The following CCDC91 variants were observed in gnomAD, a reference collection of about 807,000 sequenced individuals.
The protein encoded by CCDC91 is coiled-coil domain-containing protein 91.
A neutral mutation model predicts 63.2 loss-of-function variants in CCDC91; 48 were observed. The ratio of observed to expected loss-of-function variants is 0.76; its 90% CI spans 0.60 to 0.97. The LOEUF is 0.97. CCDC91 is among the 50% of genes least tolerant of loss of function. The pLI, the probability that CCDC91 is intolerant of heterozygous loss-of-function variation, is 0.00. For missense variants in CCDC91, 500 were observed against 494.6 expected (o/e 1.01, Z -0.10); for synonymous variants, 167 against 165.8 (o/e 1.01, Z -0.06).
chr12:28,336,195 CCA>C (rs1204710794), intron 6 of CCDC91, among the ~76,000 whole-genome samples: 3 of 151,858 alleles, frequency 2.0e-5, no homozygotes, highest in Non-Finnish European at 4.4e-5. Context: ...CAGGATACTC[CCA>C]GAGTAGAACT....
chr12:28,479,086 C>T (rs1005479261), intron 11 of CCDC91, among the ~76,000 whole-genome samples: 10 of 152,142 alleles, frequency 6.6e-5, no homozygotes, highest in African/African-American at 2.4e-4. Context: ...CTAGAAATAG[C>T]ATTTGACCCA....
At chr12:28,366,674 T>C (rs1944295883) in intron 7 of CCDC91, among the ~76,000 whole-genome samples, 1 of 152,130 alleles carries the variant, frequency 6.6e-6, no homozygotes. Context: ...TAAGCTGGCG[T>C]TGATGAGGTA....
At chr12:28,274,789 A>T (rs1948077334) in intron 3 of CCDC91, among the ~76,000 whole-genome samples, 12 of 152,184 alleles carry the variant, frequency 7.9e-5, no homozygotes, top group Admixed American at 7.9e-4. Context: ...ATCTGCAAAC[A>T]GGGACAATTT....
intron 12 of CCDC91, among the ~76,000 whole-genome samples, chr12:28,524,396 A>G (rs1941060497): frequency 6.6e-6 from 1 of 152,118 alleles, no homozygotes; most frequent in Non-Finnish European, 1.5e-5. Flanking sequence ...TATGTGGTGT[A>G]TCACATTTAT....
intron 1 of CCDC91, among the ~76,000 whole-genome samples, chr12:28,219,534 T>G (rs1330076950): frequency 2.7e-5 from 4 of 148,772 alleles, no homozygotes; most frequent in Admixed American, 1.4e-4. Context: ...TGCAGTGGCA[T>G]GATCTGGGCT....
At chr12:28,311,706 G>GT (rs964768452) in intron 6 of CCDC91, among the ~76,000 whole-genome samples, 201 of 151,224 alleles carry the variant, frequency 1.3e-3, no homozygotes, top group Non-Finnish European at 2.1e-3. Context: ...GGCCATGCGT[G>GT]TTTTTTTTTA....
intron 1 of CCDC91, among the ~76,000 whole-genome samples, chr12:28,199,456 A>G (rs1160067304): frequency 6.6e-6 from 1 of 152,148 alleles, no homozygotes; most frequent in Non-Finnish European, 1.5e-5. Context: ...CTGTCTTTTC[A>G]ATCACATAGG....
chr12:28,532,149 A>C (rs1023615340), intron 12 of CCDC91, among the ~76,000 whole-genome samples: 10 of 152,144 alleles, frequency 6.6e-5, no homozygotes, highest in African/African-American at 2.4e-4. Flanking sequence ...ACCTTTGAGA[A>C]AAGGTAAGGA....
chr12:28,516,755 G>A (rs1939991327), intron 12 of CCDC91, among the ~76,000 whole-genome samples: 1 of 151,804 alleles, frequency 6.6e-6, no homozygotes, highest in Non-Finnish European at 1.5e-5. Flanking sequence ...TAGAGAAGGG[G>A]GCTGAACTCA....
At chr12:28,343,362 G>A (rs1217794173) in intron 6 of CCDC91, among the ~76,000 whole-genome samples, 1 of 152,054 alleles carries the variant, frequency 6.6e-6, no homozygotes, top group Non-Finnish European at 1.5e-5. Context: ...TATATATGGA[G>A]GTGGGAATGG....
chr12:28,429,309 A>G (rs914997221), intron 8 of CCDC91, among the ~76,000 whole-genome samples: 1 of 152,122 alleles, frequency 6.6e-6, no homozygotes, highest in Non-Finnish European at 1.5e-5. Flanking sequence ...TATTCTTTCT[A>G]CTTTATATTT....
At chr12:28,403,603 C>G (rs190523576) in intron 8 of CCDC91, among the ~76,000 whole-genome samples, 1 of 152,070 alleles carries the variant, frequency 6.6e-6, no homozygotes, top group Non-Finnish European at 1.5e-5. Context: ...AAATGCCCCC[C>G]CTCCTAATAC....
chr12:28,476,233 C>T (rs918988758), intron 11 of CCDC91, among the ~76,000 whole-genome samples: 3 of 152,090 alleles, frequency 2.0e-5, no homozygotes, highest in African/African-American at 4.8e-5. Flanking sequence ...GTAAAGCACT[C>T]CTCGGCAAAT....
intron 1 of CCDC91, among the ~76,000 whole-genome samples, chr12:28,193,439 A>G (rs1164965965): frequency 6.6e-6 from 1 of 152,094 alleles, no homozygotes; most frequent in Non-Finnish European, 1.5e-5. Context: ...CGTCTCTACT[A>G]AAAATACAAA....
chr12:28,208,355 A>T (rs1942995775), intron 1 of CCDC91, among the ~76,000 whole-genome samples: 2 of 152,238 alleles, frequency 1.3e-5, no homozygotes, highest in Admixed American at 6.5e-5. Flanking sequence ...ACTCAGACAT[A>T]ATAGAATTTT....
At chr12:28,347,881 C>A (rs2138159530) in intron 6 of CCDC91, among the ~76,000 whole-genome samples, 2 of 152,340 alleles carry the variant, frequency 1.3e-5, no homozygotes, top group Non-Finnish European at 2.9e-5. Context: ...TCCCCCAGAT[C>A]AGCCAGAAAA....
intron 1 of CCDC91, among the ~76,000 whole-genome samples, chr12:28,200,046 C>G (rs1942090444): frequency 6.6e-6 from 1 of 151,914 alleles, no homozygotes; most frequent in Non-Finnish European, 1.5e-5. Context: ...TCCTTTTTCT[C>G]CTCTTTTTCT....
intron 11 of CCDC91, among the ~76,000 whole-genome samples, chr12:28,460,071 C>T (rs1377957721): frequency 6.6e-6 from 1 of 152,114 alleles, no homozygotes; most frequent in Non-Finnish European, 1.5e-5. Flanking sequence ...TTGAGCCAAG[C>T]TCTTCAGACT....
intron 12 of CCDC91, among the ~76,000 whole-genome samples, chr12:28,522,140 A>T (rs1407028521): frequency 6.6e-6 from 1 of 152,172 alleles, no homozygotes; most frequent in Non-Finnish European, 1.5e-5. Context: ...TAGTTTCAGA[A>T]GGAATGGTAC....
Sources: gnomAD v4.1 joint callset for allele counts (sites outside exome capture counted in the v4.1 genomes callset) on GRCh38, gnomAD v4.1.1 for gene constraint, MANE v1.5 for transcripts, NCBI Gene and HGNC (gene_info 2026-07-23, HGNC 2026-07-21) for gene names.